The following CRB2 variants were observed in gnomAD, a reference collection of about 807,000 sequenced individuals.
The protein encoded by CRB2 is protein crumbs homolog 2.
Under a neutral mutation model 110.9 loss-of-function variants are expected in CRB2, and 85 were observed. The observed-to-expected ratio is 0.77, with a 90% CI of 0.64 to 0.92. The LOEUF (loss-of-function observed/expected upper bound fraction) is 0.92, where lower values mean the gene tolerates loss of function less well. CRB2 is among the 40% of genes least tolerant of loss of function. The probability of loss-of-function intolerance (pLI) is 0.00; values close to 1 mark genes in which losing one functional copy is unlikely to be tolerated. For missense variants in CRB2, 1,843 were observed against 1,851.3 expected, an observed-to-expected ratio of 1.00 and a Z score of 0.08; for synonymous variants, 907 against 831.0, an observed-to-expected ratio of 1.09 and a Z score of -1.57.
chr9:123,371,541 A>C lies in CRB2; in HGVS notation c.2399A>C (p.Asn800Thr). ...GAGCTCGGCGGCAGGCAGTCCTGGA[A>C]CCTCACTGCGGGCTGCGTCTCCGAG... ...PSELGGRQSW[N>T]LTAGCVSEDM... Residue 800 changes from asparagine (N) to threonine (T), a missense_variant, in exon 8 of 13, where the codon AAC becomes ACC. Transcript: ENST00000373631. 6.2e-7 allele frequency: 1 copy of C among 1,613,020 alleles called. No homozygotes were observed.
chr9:123,362,070 C>T (rs952108530), intron 1 of CRB2, among the ~76,000 whole-genome samples: 5 of 152,180 alleles, frequency 3.3e-5, no homozygotes, highest in African/African-American at 7.2e-5. Flanking sequence ...TTGGCCAGGC[C>T]GGCCACTCAG....
At chr9:123,361,083 GTGGTCCCAGCTGCTCTGAGATA>G in intron 1 of CRB2, among the ~76,000 whole-genome samples, 2 of 151,110 alleles carry the variant, frequency 1.3e-5, no homozygotes, top group African/African-American at 4.9e-5. Flanking sequence ...CCTCCCCAGC[GTGGTCCCAGCTGCTCTGAGATA>G]GGGGGCAAAG....
intron 10 of CRB2, 139 bp downstream of exon 10, chr9:123,374,059 T>C: frequency 9.1e-7 from 1 of 1,103,656 alleles, no homozygotes; most frequent in Non-Finnish European, 1.3e-6. Flanking sequence ...GGAGGACAGT[T>C]TAATTTGATA....
Position 123,366,104 on chromosome 9 carries a change from G to C in CRB2, c.606G>C (p.Leu202=). The C allele has an allele frequency of 6.8e-7, 1 of 1,479,780 alleles. No homozygotes were observed. The highest frequency in any genetic ancestry group is 2.8e-5 in the East Asian group (1 of 36,136). 91.7% of individuals were successfully genotyped at this position (1,479,780 alleles called of 1,614,324 possible). The change falls in exon 3 of 13, where the codon CTG becomes CTC. Residue 202 remains leucine, a synonymous_variant. Transcript: ENST00000373631. ...CACATGGGGGCACGTGCCACGACCT[G>C]GTCAACGGGTGAGCGAGCGGCGGGG... ...PCAHGGTCHD[L]VNGFRCDCAG...
chr9:123,363,242 G>A, intron 2 of CRB2, 54 bp downstream of exon 2: 1 of 1,516,208 alleles, frequency 6.6e-7, no homozygotes, highest in Non-Finnish European at 8.9e-7. Flanking sequence ...CGCATCAGCT[G>A]CTCAGAGTGT....
Position 123,370,850 on chromosome 9 carries a change from C to A in CRB2, c.1797C>A (p.Val599=). The change falls in exon 7 of 13, where the codon GTC becomes GTA. Residue 599 remains valine (V), a synonymous_variant. Coordinates refer to ENST00000373631, the MANE Select transcript of CRB2 (RefSeq NM_173689.7). ...TGCCTGAGGATCTCGGTGAGAACGT[C>A]CTCCTGGGCTGTGAGCGCCGAGAGC... ...LLLPEDLGEN[V]LLGCERREQC... The A allele has an allele frequency of 6.2e-7, 1 of 1,608,692 alleles. No individual in the cohort carries two copies. Among genetic ancestry groups the A allele is most frequent in the Non-Finnish European group, 8.5e-7 (1 of 1,179,998 alleles).
chr9:123,358,971 G>A, intron 1 of CRB2, among the ~76,000 whole-genome samples: 1 of 152,066 alleles, frequency 6.6e-6, no homozygotes, highest in Non-Finnish European at 1.5e-5. Flanking sequence ...GGCAGGTGGG[G>A]AACCCCACCT....
rs2041945530 is a variant in CRB2 at position 123,367,199 on chromosome 9, A to G, written c.782A>G (p.Asp261Gly). ...PGYSGELCEV[D>G]EDECASSPCQ... ...TACAGCGGCGAGCTGTGCGAGGTGG[A>G]CGAGGACGAGTGTGCATCGAGCCCC... Residue 261 changes from aspartate (D) to glycine (G), a missense_variant, in exon 5 of 13, where the codon GAC (aspartate) becomes GGC (glycine). Physicochemically the swap from Asp to Gly is moderately conservative, Grantham distance 94. Coordinates refer to ENST00000373631, the MANE Select transcript of CRB2 (RefSeq NM_173689.7). The G allele has an allele frequency of 1.2e-6, 2 of 1,600,974 alleles. No homozygotes were observed. Among genetic ancestry groups the G allele is most frequent in the Non-Finnish European group, 1.7e-6 (2 of 1,178,114 alleles).
At chr9:123,372,108 G>C in intron 8 of CRB2, 69 bp from the exon 9 acceptor site, 1 of 1,508,072 alleles carries the variant, frequency 6.6e-7, no homozygotes, top group African/African-American at 1.4e-5. Context: ...AAGAAGCACT[G>C]CAATGCCAGT....
intron 2 of CRB2, 126 bp downstream of exon 2, chr9:123,363,314 T>C: frequency 9.8e-7 from 1 of 1,015,674 alleles, no homozygotes; most frequent in South Asian, 1.6e-5. Context: ...CGGGCAGCTC[T>C]AGGGTATATC....
At chr9:123,361,572 C>T (rs1472976197) in intron 1 of CRB2, among the ~76,000 whole-genome samples, 1 of 139,336 alleles carries the variant, frequency 7.2e-6, no homozygotes, top group African/African-American at 2.7e-5. Context: ...TAGATGACAA[C>T]CTGGGTGGGG....
At position 123,378,021 on chromosome 9, in the gene CRB2, C is replaced by G. The variant is rs889205109; in HGVS notation, c.*959C>G. ...CAACCCTTCTCCTGCCCTGAACCCC[C>G]CCAGCTCACCTGACCACCTCTGGTT... On this transcript the variant is annotated 3_prime_UTR_variant, in exon 13 of 13. Coordinates refer to ENST00000373631, the MANE Select transcript of CRB2 (RefSeq NM_173689.7). 2 of 152,546 alleles carry G rather than the reference C, an allele frequency of 1.3e-5. No homozygotes were observed. Among genetic ancestry groups the G allele is most frequent in the African/African-American group, 2.4e-5 (1 of 41,460 alleles). 9.4% of individuals were successfully genotyped at this position (152,546 alleles called of 1,614,324 possible).
chr9:123,375,587 G>C (rs1399398173), intron 12 of CRB2, among the ~76,000 whole-genome samples: 1 of 152,180 alleles, frequency 6.6e-6, no homozygotes, highest in Non-Finnish European at 1.5e-5. Flanking sequence ...CTGGGTCAGC[G>C]GCTTCCTCAG....
chr9:123,355,270 G>A (rs2041785166), upstream of CRB2, among the ~76,000 whole-genome samples: 1 of 152,168 alleles, frequency 6.6e-6, no homozygotes. Flanking sequence ...CAAACATCGA[G>A]TGCAGCAGGA....
intron 1 of CRB2, among the ~76,000 whole-genome samples, chr9:123,359,994 A>C (rs1297000724): frequency 6.6e-6 from 1 of 152,064 alleles, no homozygotes; most frequent in Non-Finnish European, 1.5e-5. Context: ...TAAAGCAACA[A>C]TATGTGAGTG....
intron 2 of CRB2, 25 bp from the exon 3 acceptor site, chr9:123,365,892 C>G: frequency 6.3e-7 from 1 of 1,576,038 alleles, no homozygotes; most frequent in Non-Finnish European, 8.6e-7. Flanking sequence ...CATCCTGCAC[C>G]CTGTGTGTCC....
chr9:123,379,449 A>G (rs2275782), downstream of CRB2, among the ~76,000 whole-genome samples: 23,458 of 152,080 alleles, frequency 0.15, 2,100 homozygotes, highest in Admixed American at 0.28. Flanking sequence ...TGCCAGCCCA[A>G]CCCCGTGCCT....
intron 4 of CRB2, among the ~76,000 whole-genome samples, chr9:123,366,613 G>A (rs1007952584): frequency 6.6e-6 from 1 of 152,212 alleles, no homozygotes; most frequent in African/African-American, 2.4e-5. Context: ...AGCCCTTGGG[G>A]AGGGCCTGAC....
chr9:123,376,569 C>T (rs2042106146), intron 12 of CRB2, among the ~76,000 whole-genome samples: 1 of 152,150 alleles, frequency 6.6e-6, no homozygotes. Context: ...CTGCTTAGCT[C>T]CTGCCGGGTG....
Sources: gnomAD v4.1 joint callset for allele counts (sites outside exome capture counted in the v4.1 genomes callset) on GRCh38, gnomAD v4.1.1 for gene constraint, MANE v1.5 for transcripts, NCBI Gene and HGNC (gene_info 2026-07-23, HGNC 2026-07-21) for gene names.